The following STX8 variants were observed in gnomAD, a reference collection of about 807,000 sequenced individuals.
STX8 encodes syntaxin 8, also known as syntaxin-8.
Under a neutral mutation model 37.5 loss-of-function variants are expected in STX8, and 23 were observed. The ratio of observed to expected loss-of-function variants is 0.61; its 90% confidence interval spans 0.44 to 0.87. The LOEUF (loss-of-function observed/expected upper bound fraction) is 0.87. STX8 is among the 40% of genes least tolerant of loss of function. The pLI, the probability that STX8 is intolerant of heterozygous loss-of-function variation, is 0.00. For synonymous variants in STX8, 115 were observed against 99.1 expected (o/e 1.16, Z -0.95); for missense variants, 313 against 284.7 (o/e 1.10, Z -0.71).
At chr17:9,415,402 A>T (rs1215226706) in intron 6 of STX8, among the ~76,000 whole-genome samples, 1 of 152,128 alleles carries the variant, frequency 6.6e-6, no homozygotes, top group Non-Finnish European at 1.5e-5. Context: ...GCCTCAAATA[A>T]GGTCCTAGAA....
intron 6 of STX8, among the ~76,000 whole-genome samples, chr17:9,448,801 C>T (rs760709223): frequency 8.6e-5 from 13 of 152,036 alleles, no homozygotes; most frequent in Non-Finnish European, 1.6e-4. Flanking sequence ...AGAACATGAG[C>T]GCCACAAATG....
At chr17:9,278,374 G>A (rs1008550927) in intron 7 of STX8, among the ~76,000 whole-genome samples, 7 of 152,172 alleles carry the variant, frequency 4.6e-5, no homozygotes, top group Non-Finnish European at 8.8e-5. Context: ...GCTTGAACCC[G>A]GGAGGCGGAG....
chr17:9,385,944 T>C (rs1188954673), intron 6 of STX8, among the ~76,000 whole-genome samples: 1 of 152,174 alleles, frequency 6.6e-6, no homozygotes, highest in African/African-American at 2.4e-5. Flanking sequence ...TGTCTAATTT[T>C]TGAATTTTTA....
At chr17:9,377,785 A>G (rs899360924) in intron 7 of STX8, 1 of 152,234 alleles carries the variant, frequency 6.6e-6, no homozygotes, top group African/African-American at 2.4e-5. Context: ...TTTCATAAAT[A>G]TGTCAGCTTT....
At chr17:9,338,139 C>T (rs1276264399) in intron 7 of STX8, among the ~76,000 whole-genome samples, 1 of 149,988 alleles carries the variant, frequency 6.7e-6, no homozygotes, top group African/African-American at 2.5e-5. Context: ...TTGCAACCTC[C>T]GCCTCCCGGG....
At chr17:9,380,109 T>C (rs540408595) in intron 6 of STX8, among the ~76,000 whole-genome samples, 34 of 152,310 alleles carry the variant, frequency 2.2e-4, no homozygotes, top group Non-Finnish European at 4.1e-4. Flanking sequence ...ATTATTTGTA[T>C]CCATCTTTTT....
intron 5 of STX8, among the ~76,000 whole-genome samples, chr17:9,499,535 A>T (rs188854774): frequency 5.1e-4 from 78 of 152,220 alleles, no homozygotes; most frequent in African/African-American, 1.7e-3. Flanking sequence ...AGTAGCTGGG[A>T]CTACAGGCGC....
chr17:9,314,472 A>C (rs1182233023), intron 7 of STX8, among the ~76,000 whole-genome samples: 1 of 151,754 alleles, frequency 6.6e-6, no homozygotes, highest in East Asian at 2.0e-4. Flanking sequence ...ATCTCGGCTC[A>C]CTGCAAGCTC....
chr17:9,399,680 A>G (rs141045765), intron 6 of STX8, among the ~76,000 whole-genome samples: 71 of 152,180 alleles, frequency 4.7e-4, no homozygotes, highest in Middle Eastern at 3.4e-3. Context: ...AGCCTGACTA[A>G]CATGGCAAAA....
At chr17:9,575,570 C>T (rs572883315) in intron 1 of STX8, among the ~76,000 whole-genome samples, 5 of 152,328 alleles carry the variant, frequency 3.3e-5, no homozygotes, top group Middle Eastern at 3.4e-3. Flanking sequence ...GGCGTAAGTC[C>T]TCAGCTCTCC....
At position 9,547,640 on chromosome 17, in the gene STX8, G is replaced by GA. The variant is rs796756368; in HGVS notation, c.213-2359dup. On this transcript the variant is annotated intron_variant, in intron 3 of 7. Coordinates refer to ENST00000306357, the MANE Select transcript of STX8 (RefSeq NM_004853.3). ...AAGACTCCGTCTCAAAAAAAAAAAA[G>GA]AAAAAAGAAAAGAAAAGAAAAGAAA... is the stretch of plus-strand genomic sequence containing the variant. Among the ~76,000 whole-genome samples, 12 of 133,272 alleles carry GA rather than the reference G, an allele frequency of 9.0e-5. 1 individual carries two copies. In the East Asian group the frequency reaches 2.2e-3, roughly 25 times the overall value. 87.4% of individuals were successfully genotyped at this position (133,272 alleles called of 152,430 possible).
chr17:9,321,350 TA>T (rs1309554831), intron 7 of STX8, among the ~76,000 whole-genome samples: 1 of 151,780 alleles, frequency 6.6e-6, no homozygotes, highest in Non-Finnish European at 1.5e-5. Context: ...GCCAACATGG[TA>T]AAACCCTGTC....
chr17:9,438,666 C>T (rs1231866940), intron 6 of STX8, among the ~76,000 whole-genome samples: 1 of 152,044 alleles, frequency 6.6e-6, no homozygotes, highest in Non-Finnish European at 1.5e-5. Flanking sequence ...TGGTGGCTCA[C>T]GTCTGTAATC....
Position 9,550,803 on chromosome 17 carries a change from A to C in STX8, c.213-5521T>G, listed in dbSNP as rs1460212880. ...AGGCTTAAGAATTTAGGCTGGGCAC[A>C]GTCGCTCACACCTGTAATCCCAGCA... On this transcript the variant is annotated intron_variant, in intron 3 of 7. Coordinates refer to ENST00000306357, the MANE Select transcript of STX8 (RefSeq NM_004853.3). Among the ~76,000 whole-genome samples, 3 of 152,164 alleles carry C rather than the reference A, an allele frequency of 2.0e-5. No individual in the cohort carries two copies. The East Asian group carries it at 5.8e-4, about 29-fold the overall frequency.
intron 4 of STX8, among the ~76,000 whole-genome samples, chr17:9,529,616 T>C (rs1189642812): frequency 6.6e-6 from 1 of 152,226 alleles, no homozygotes; most frequent in African/African-American, 2.4e-5. Context: ...TTTATAACAC[T>C]GTAAGTCTCA....
intron 6 of STX8, among the ~76,000 whole-genome samples, chr17:9,417,888 G>T (rs145641805): frequency 1.3e-5 from 2 of 152,252 alleles, no homozygotes; most frequent in African/African-American, 4.8e-5. Context: ...CACTCCACGG[G>T]GACAGGAGCT....
chr17:9,413,363 C>G (rs1913044715), intron 6 of STX8, among the ~76,000 whole-genome samples: 1 of 152,164 alleles, frequency 6.6e-6, no homozygotes, highest in South Asian at 2.1e-4. Context: ...AAAATGTGGA[C>G]AGAGAGGCCA....
intron 5 of STX8, among the ~76,000 whole-genome samples, chr17:9,503,374 G>A (rs781180050): frequency 2.0e-5 from 3 of 152,044 alleles, no homozygotes; most frequent in Non-Finnish European, 2.9e-5. Flanking sequence ...ATAACAATTA[G>A]GTTCATTATT....
At chr17:9,299,394 T>TG (rs1225463229) in intron 7 of STX8, among the ~76,000 whole-genome samples, 1 of 151,844 alleles carries the variant, frequency 6.6e-6, no homozygotes, top group African/African-American at 2.4e-5. Flanking sequence ...CTCGATGATT[T>TG]GGAAGGAAAA....
Sources: allele counts gnomAD v4.1 joint callset (sites outside exome capture counted in the v4.1 genomes callset), GRCh38; gene constraint gnomAD v4.1.1; transcripts MANE v1.5; gene names NCBI Gene and HGNC (gene_info 2026-07-23, HGNC 2026-07-21).